CCNB1IP1: variants seen among roughly 807,000 people sequenced by gnomAD.
The protein encoded by CCNB1IP1 is E3 ubiquitin-protein ligase CCNB1IP1.
Under a neutral mutation model 25.6 loss-of-function variants are expected in CCNB1IP1, and 14 were observed. The ratio of observed to expected loss-of-function variants is 0.55; its 90% CI spans 0.36 to 0.85. The LOEUF (loss-of-function observed/expected upper bound fraction) is 0.85. CCNB1IP1 is among the 40% of genes least tolerant of loss of function. CCNB1IP1 has a pLI of 0.01. For synonymous variants in CCNB1IP1, 119 were observed against 116.1 expected (o/e 1.02, Z -0.16); for missense variants, 278 against 342.4 (o/e 0.81, Z 1.48).
intron 5 of CCNB1IP1, chr14:20,315,522 A>C: frequency 2.6e-6 from 3 of 1,172,986 alleles, no homozygotes; most frequent in Non-Finnish European, 3.2e-6. Flanking sequence ...GACAGATGAC[A>C]AACATCCTTA....
chr14:20,318,002 C>CA (rs1882770955), intron 4 of CCNB1IP1: 1 of 152,252 alleles, frequency 6.6e-6, no homozygotes, highest in South Asian at 2.1e-4. Flanking sequence ...TTCCCAGAAA[C>CA]AGAGTGACAG....
intron 4 of CCNB1IP1, among the ~76,000 whole-genome samples, chr14:20,319,280 C>T (rs1397054560): frequency 6.6e-6 from 1 of 152,198 alleles, no homozygotes; most frequent in African/African-American, 2.4e-5. Flanking sequence ...GGCCTTTGTA[C>T]ATTTCCTAAA....
intron 1 of CCNB1IP1, among the ~76,000 whole-genome samples, chr14:20,332,017 T>TGATGTGTATACATAG (rs66601152): frequency 1.3e-5 from 1 of 78,542 alleles, no homozygotes; most frequent in Non-Finnish European, 2.3e-5. Context: ...TATATATATA[T>TGATGTGTATACATAG]ATATATATAT....
At chr14:20,322,158 T>C (rs1305761811) in intron 4 of CCNB1IP1, among the ~76,000 whole-genome samples, 1 of 152,206 alleles carries the variant, frequency 6.6e-6, no homozygotes, top group African/African-American at 2.4e-5. Flanking sequence ...TGGCAGTCAT[T>C]CTTATAATAG....
Position 20,331,706 on chromosome 14 carries a change from A to C in CCNB1IP1, c.-431+1548T>G, listed in dbSNP as rs1883238259. Reference sequence around the variant, plus strand: ...TATACCCTGAAAACCTACTGAAAAAATATATTTTTTAAAAAAAATAATTTT... The same window carrying C: ...TATACCCTGAAAACCTACTGAAAAACTATATTTTTTAAAAAAAATAATTTT... On this transcript the variant is annotated intron_variant, in intron 1 of 6. Coordinates refer to ENST00000358932, the MANE Select transcript of CCNB1IP1 (RefSeq NM_021178.5). Among the ~76,000 whole-genome samples the C allele has an allele frequency of 4.6e-5, 7 of 152,068 alleles. No homozygotes were observed. In the South Asian group the frequency reaches 1.4e-3, roughly 31 times the overall value.
At chr14:20,311,841 A>AAT (rs1296537076) in intron 6 of CCNB1IP1, 89 bp from the exon 7 acceptor site, 11 of 642,158 alleles carry the variant, frequency 1.7e-5, no homozygotes, top group Non-Finnish European at 2.4e-5. Context: ...TATATATATG[A>AAT]ATATATATTT....
chr14:20,317,992 T>A (rs1444302840), intron 4 of CCNB1IP1: 1 of 152,146 alleles, frequency 6.6e-6, no homozygotes, highest in Non-Finnish European at 1.5e-5. Context: ...TCGGGAGAAA[T>A]TCCCAGAAAC....
At chr14:20,317,813 G>C (rs1332316182) in intron 4 of CCNB1IP1, 1 of 152,262 alleles carries the variant, frequency 6.6e-6, no homozygotes, top group African/African-American at 2.4e-5. Flanking sequence ...GAAAGAAAAA[G>C]CGCGGAAAAA....
chr14:20,313,427 T>C lies in CCNB1IP1; in HGVS notation c.631+41A>G, dbSNP rs199954079. 84 of 1,460,522 alleles carry C rather than the reference T, an allele frequency of 5.8e-5. No individual in the cohort carries two copies. In the African/African-American group the frequency reaches 8.2e-4, roughly 14 times the overall value. The allele number at this position is 1,460,522 out of a possible 1,614,324, so 90.5% of individuals were successfully genotyped here. The stretch of plus-strand genomic sequence containing the variant: ...GTGGGCAGAGCAGTATAAAAAATCA[T>C]TGATTTAAAGAACAGACACTTGATA... On this transcript the variant is annotated intron_variant, in intron 6 of 6. Coordinates refer to ENST00000358932, the MANE Select transcript of CCNB1IP1 (RefSeq NM_021178.5).
At chr14:20,326,601 T>G in intron 3 of CCNB1IP1, 115 bp downstream of exon 3, 1 of 471,638 alleles carries the variant, frequency 2.1e-6, no homozygotes, top group South Asian at 1.6e-5. Context: ...AGGTTAGAAC[T>G]GGGGATTTTT....
chr14:20,327,117 C>A (rs567474925), intron 2 of CCNB1IP1, among the ~76,000 whole-genome samples: 7 of 151,778 alleles, frequency 4.6e-5, no homozygotes, highest in South Asian at 2.1e-4. Flanking sequence ...CAAAAAAAAA[C>A]CGAGCAGGAC....
At chr14:20,325,917 A>G (rs1019981611) in intron 3 of CCNB1IP1, among the ~76,000 whole-genome samples, 8 of 152,200 alleles carry the variant, frequency 5.3e-5, no homozygotes, top group African/African-American at 1.7e-4. Flanking sequence ...ACCCCCTAGT[A>G]TTTTAGTATA....
chr14:20,311,879 A>G (rs1882498300), intron 6 of CCNB1IP1, 127 bp from the exon 7 acceptor site: 2 of 540,828 alleles, frequency 3.7e-6, no homozygotes, highest in Non-Finnish European at 5.9e-6. Context: ...TTAGAAAAAA[A>G]CAGACATATA....
chr14:20,321,923 T>C (rs889775193), intron 4 of CCNB1IP1, among the ~76,000 whole-genome samples: 3 of 152,174 alleles, frequency 2.0e-5, no homozygotes, highest in African/African-American at 7.2e-5. Context: ...TATACCATCA[T>C]GGATGTAAAC....
intron 2 of CCNB1IP1, among the ~76,000 whole-genome samples, chr14:20,328,379 C>T (rs1443803916): frequency 6.6e-6 from 1 of 152,198 alleles, no homozygotes; most frequent in African/African-American, 2.4e-5. Flanking sequence ...TTAAATATCT[C>T]AGACAGATAT....
At chr14:20,322,092 C>G (rs1882912577) in intron 4 of CCNB1IP1, among the ~76,000 whole-genome samples, 1 of 152,124 alleles carries the variant, frequency 6.6e-6, no homozygotes, top group Admixed American at 6.5e-5. Context: ...AAAAGATTTC[C>G]TACTAAATAC....
chr14:20,311,403 G>T lies in CCNB1IP1; in HGVS notation c.*147C>A. On this transcript the variant is annotated 3_prime_UTR_variant, in exon 7 of 7. Coordinates refer to ENST00000358932, the MANE Select transcript of CCNB1IP1 (RefSeq NM_021178.5). ...GCTAAATTATCTTTATTTTTTTTTA[G>T]AAACAGGGTCTCACTCTGTTGCCCA... 2 of 523,034 alleles carry T rather than the reference G, an allele frequency of 3.8e-6. No individual in the cohort carries two copies. The highest frequency in any genetic ancestry group is 6.2e-5 in the South Asian group (2 of 32,274). 32.4% of individuals were successfully genotyped at this position (523,034 alleles called of 1,614,324 possible). A position where few individuals can be genotyped will look rare whatever the true frequency, so the allele number is the denominator to read the frequency against.
At chr14:20,331,772 C>CT (rs1252245578) in intron 1 of CCNB1IP1, among the ~76,000 whole-genome samples, 1 of 151,410 alleles carries the variant, frequency 6.6e-6, no homozygotes, top group Non-Finnish European at 1.5e-5. Context: ...TGTGAACACT[C>CT]TACTCATGGA....
intron 3 of CCNB1IP1, chr14:20,326,481 G>A (rs758165424): frequency 3.7e-6 from 2 of 534,626 alleles, no homozygotes; most frequent in African/African-American, 3.8e-5. Context: ...TAATCAGGCT[G>A]ATCAGCTGAA....
Sources: allele counts gnomAD v4.1 joint callset (sites outside exome capture counted in the v4.1 genomes callset), GRCh38; gene constraint gnomAD v4.1.1; transcripts MANE v1.5; gene names NCBI Gene and HGNC (gene_info 2026-07-23, HGNC 2026-07-21).